The following ANP32E variants were observed in gnomAD, a reference collection of about 807,000 sequenced individuals.
The protein encoded by ANP32E is acidic nuclear phosphoprotein 32 family member E.
ANP32E carries 14 observed loss-of-function variants against 35.3 expected under a neutral mutation model. The ratio of observed to expected loss-of-function variants is 0.40; its 90% confidence interval spans 0.26 to 0.62. ANP32E has a LOEUF of 0.62. ANP32E is among the 20% of genes least tolerant of loss of function. The pLI is 0.45. For synonymous variants in ANP32E, 89 were observed against 110.4 expected, an observed-to-expected ratio of 0.81 and a Z score of 1.22; for missense variants, 198 against 304.4, an observed-to-expected ratio of 0.65 and a Z score of 2.60.
Position 150,231,805 on chromosome 1 carries a change from C to T in ANP32E, c.176G>A (p.Arg59Gln). The T allele has an allele frequency of 1.2e-6, 2 of 1,602,632 alleles. No homozygotes were observed. The highest frequency in any genetic ancestry group is 1.7e-6 in the Non-Finnish European group (2 of 1,177,454). ...TCGAAGTTTATTTAAGCTGGGAAGC[C>T]GGGCCAGCGAACTTAGTTCCACATT... Reference protein sequence around the residue: ...MANVELSSLARLPSLNKLRKL... With the variant: ...MANVELSSLAQLPSLNKLRKL... The change falls in exon 2 of 7, where the codon CGG becomes CAG. Residue 59 changes from arginine to glutamine, a missense_variant. By Grantham distance (43) the Arg-to-Gln change is conservative. This residue lies in a region of ANP32E where 11 missense variants were observed against 56.9 expected (regional missense o/e 0.19). Transcript: ENST00000583931.
chr1:150,219,130 C>T lies in ANP32E; in HGVS notation c.*1561G>A, dbSNP rs1356883472. 6.6e-6 allele frequency: 1 copy of T among 152,154 alleles called. No individual in the cohort carries two copies. Among genetic ancestry groups the T allele is most frequent in the African/African-American group, 2.4e-5 (1 of 41,426 alleles). The allele number at this position is 152,154 out of a possible 1,614,324, so 9.4% of individuals were successfully genotyped here. A position where few individuals can be genotyped will look rare whatever the true frequency, so the allele number is the denominator to read the frequency against. On this transcript the variant is annotated 3_prime_UTR_variant, in exon 7 of 7. Transcript: ENST00000583931. ...TAGAAGCAGTAGCAGCAGTACTATA[C>T]TCAGTATTTAAATATGTCCCAGTAT...
At chr1:150,221,886 G>A (rs987211228) in intron 6 of ANP32E, among the ~76,000 whole-genome samples, 1 of 152,072 alleles carries the variant, frequency 6.6e-6, no homozygotes, top group Non-Finnish European at 1.5e-5. Context: ...GGGCCCAGGA[G>A]TTCAAGACCA....
At chr1:150,221,455 CAGGCTAAGAGAGGAAGAGAGGAAGAG>C (rs1648362073) in intron 6 of ANP32E, among the ~76,000 whole-genome samples, 1 of 123,742 alleles carries the variant, frequency 8.1e-6, no homozygotes, top group African/African-American at 3.5e-5. Context: ...GGAGGGAGGG[CAGGCTAAGAGAGGAAGAGAGGAAGAG>C]AGGAAGGAAG....
rs56692627 is a variant in ANP32E, at chr1:150,226,707, C to CTCCTCT, written c.576_581dup (p.Glu193_Glu194dup). ...CTTCATCTTCATCCTCATCCTCATC[C>CTCCTCT]TCCTCTTCCTCTTCCTCCTCCTCTT... On this transcript the variant is annotated inframe_insertion, in exon 5 of 7. Transcript: ENST00000583931. 1 of 1,573,340 alleles carries CTCCTCT rather than the reference C, an allele frequency of 6.4e-7. No individual in the cohort carries two copies. Among genetic ancestry groups the CTCCTCT allele is most frequent in the Non-Finnish European group, 8.7e-7 (1 of 1,145,262 alleles).
intron 1 of ANP32E, chr1:150,234,627 G>T (rs782712635): frequency 1.0e-6 from 1 of 985,488 alleles, no homozygotes; most frequent in Non-Finnish European, 1.2e-6. Context: ...TCCTCTGCGA[G>T]GCTCCCCGCT....
chr1:150,235,680 G>A lies in ANP32E; in HGVS notation c.54+53C>T. 1 of 1,609,088 alleles carries A rather than the reference G, an allele frequency of 6.2e-7. No homozygotes were observed. Among genetic ancestry groups the A allele is most frequent in the Admixed American group, 1.7e-5 (1 of 59,290 alleles). Reference sequence around the variant, plus strand: ...ACCCACCCAGGACCACCAGAAATCCGATCCTCAGAATACTGGACTGATGGG... The same window carrying A: ...ACCCACCCAGGACCACCAGAAATCCAATCCTCAGAATACTGGACTGATGGG... On this transcript the variant is annotated intron_variant, in intron 1 of 6. Transcript: ENST00000583931. The surrounding 1 kb of genome is among the most constrained non-coding windows in gnomAD (Gnocchi z 4.2).
At chr1:150,234,304 T>TC (rs1649596830) in intron 1 of ANP32E, among the ~76,000 whole-genome samples, 1 of 151,536 alleles carries the variant, frequency 6.6e-6, no homozygotes. Flanking sequence ...TTGGTTTTTT[T>TC]ATTTTTTTCC....
chr1:150,228,939 A>C lies in ANP32E; in HGVS notation c.493+133T>G, dbSNP rs1169337106. 5.4e-6 allele frequency: 4 copies of C among 743,682 alleles called. No individual in the cohort carries two copies. The East Asian group carries it at 1.1e-4, about 21-fold the overall frequency. The allele number at this position is 743,682 out of a possible 1,614,324, so 46.1% of individuals were successfully genotyped here. On this transcript the variant is annotated intron_variant, in intron 4 of 6. Coordinates refer to ENST00000583931, the MANE Select transcript of ANP32E (RefSeq NM_030920.5). The stretch of plus-strand genomic sequence containing the variant: ...TACTGGCTAGAGCTATGGGTTTTTA[A>C]TTTTTTCTTGTCTTACTAATATCTT...
intron 1 of ANP32E, among the ~76,000 whole-genome samples, 182 bp from the exon 2 acceptor site, chr1:150,232,108 G>C (rs1431500992): frequency 6.6e-6 from 1 of 151,912 alleles, no homozygotes; most frequent in Non-Finnish European, 1.5e-5. Context: ...ACTTTCGGAG[G>C]CCGAGGCGGG....
chr1:150,224,581 A>AG (rs1354877666), intron 5 of ANP32E, among the ~76,000 whole-genome samples: 1 of 80 alleles, frequency 0.013, no homozygotes, highest in Non-Finnish European at 0.024. Context: ...CTCAAAAAAG[A>AG]AAAAAAAAGA....
chr1:150,229,304 T>TA, intron 3 of ANP32E, 67 bp from the exon 4 acceptor site: 3 of 1,013,416 alleles, frequency 3.0e-6, no homozygotes, highest in African/African-American at 3.5e-5. Flanking sequence ...TTTTCTTTTT[T>TA]TTTTTTTTTT....
chr1:150,234,455 C>T, intron 1 of ANP32E: 1 of 363,594 alleles, frequency 2.8e-6, no homozygotes, highest in Non-Finnish European at 3.8e-6. Context: ...TTAGTTGCCA[C>T]TCCACACGCC....
intron 5 of ANP32E, 139 bp downstream of exon 5, chr1:150,226,469 A>G: frequency 1.0e-6 from 1 of 978,722 alleles, no homozygotes; most frequent in Non-Finnish European, 1.5e-6. Context: ...AGGACAATGA[A>G]AAAAAAGACA....
chr1:150,223,254 T>C lies in ANP32E; in HGVS notation c.682-14A>G. 1 of 1,524,912 alleles carries C rather than the reference T, an allele frequency of 6.6e-7. No individual in the cohort carries two copies. 94.5% of individuals were successfully genotyped at this position (1,524,912 alleles called of 1,614,324 possible). ...ATCTTCTTCATCCTTGAAATTCAAA[T>C]ATTCAGTTTGAAGATTGAAAAATCC... On this transcript the variant is annotated splice_polypyrimidine_tract_variant and intron_variant, in intron 5 of 6. Transcript: ENST00000583931.
In ANP32E at chr1:150,225,835, G is replaced by A. The variant is rs1398525301; in HGVS notation, c.681+773C>T. 2.6e-5 allele frequency among the ~76,000 whole-genome samples: 4 copies of A among 151,990 alleles called. No homozygotes were observed. The South Asian group carries it at 6.2e-4, about 24-fold the overall frequency. On this transcript the variant is annotated intron_variant, in intron 5 of 6. Transcript: ENST00000583931. ...AGCACTGTGGAGAATACTCCTAAGT[G>A]GTGATGCTGTATTCAGACAGACTAT...
intron 4 of ANP32E, 30 bp from the exon 5 acceptor site, chr1:150,226,825 T>C (rs1648922960): frequency 6.3e-7 from 1 of 1,582,246 alleles, no homozygotes; most frequent in Non-Finnish European, 8.5e-7. Context: ...GATGAGTAAA[T>C]GACTGGGTAA....
At position 150,235,014 on chromosome 1, in the gene ANP32E, C is replaced by T. The variant is rs1224514475; in HGVS notation, c.54+719G>A. On this transcript the variant is annotated intron_variant, in intron 1 of 6. Transcript: ENST00000583931. The surrounding 1 kb of genome is among the most constrained non-coding windows in gnomAD (Gnocchi z 4.2). ...TCAGAGTTGCGGCCACACGACGTGC[C>T]ACATATCGTTACACGGCGGGGGAAG... is the stretch of plus-strand genomic sequence containing the variant. Among the ~76,000 whole-genome samples, 1 of 152,246 alleles carries T rather than the reference C, an allele frequency of 6.6e-6. No homozygotes were observed. The highest frequency in any genetic ancestry group is 1.5e-5 in the Non-Finnish European group (1 of 68,042).
chr1:150,228,696 A>AT (rs1453439724), intron 4 of ANP32E, among the ~76,000 whole-genome samples: 1 of 20,946 alleles, frequency 4.8e-5, no homozygotes, highest in Non-Finnish European at 1.3e-4. Flanking sequence ...CCCTCTCAAC[A>AT]TAAAAAAAAA....
At chr1:150,227,806 T>TTTTTTTTTTTTTTTGAGAC (rs1553840516) in intron 4 of ANP32E, among the ~76,000 whole-genome samples, 6 of 142,480 alleles carry the variant, frequency 4.2e-5, no homozygotes, top group South Asian at 2.3e-4. Context: ...AATTTCTTTT[T>TTTTTTTTTTTTTTTGAGAC]ACGATGAAGA....
Sources: allele counts gnomAD v4.1 joint callset (sites outside exome capture counted in the v4.1 genomes callset), GRCh38; gene constraint gnomAD v4.1.1; regional missense constraint gnomAD v4.1.1; non-coding constraint Gnocchi (gnomAD v3.1); transcripts MANE v1.5; gene names NCBI Gene and HGNC (gene_info 2026-07-23, HGNC 2026-07-21).